The following ERBB4 variants were observed in gnomAD, a reference collection of about 807,000 sequenced individuals.
The protein encoded by ERBB4 is receptor tyrosine-protein kinase erbB-4.
ERBB4 carries 42 observed loss-of-function variants against 158.0 expected under a neutral mutation model. The observed-to-expected ratio is 0.27, with a 90% CI of 0.21 to 0.34. The LOEUF (loss-of-function observed/expected upper bound fraction) is 0.34, where lower values mean the gene tolerates loss of function less well. Ranked by LOEUF, ERBB4 falls within the 10% of genes least tolerant of loss-of-function variation. ERBB4 has a pLI of 1.00. For missense variants in ERBB4, 1,333 were observed against 1,624.1 expected, an observed-to-expected ratio of 0.82 and a Z score of 3.08; for synonymous variants, 583 against 558.7, an observed-to-expected ratio of 1.04 and a Z score of -0.61.
chr2:211,787,020 C>T (rs1167525613), intron 4 of ERBB4, among the ~76,000 whole-genome samples: 1 of 152,176 alleles, frequency 6.6e-6, no homozygotes, highest in African/African-American at 2.4e-5. Flanking sequence ...AAAAACACAG[C>T]TGTCAGTTTT....
chr2:211,680,042 G>C (rs2072271054), intron 12 of ERBB4, among the ~76,000 whole-genome samples: 1 of 152,156 alleles, frequency 6.6e-6, no homozygotes, highest in African/African-American at 2.4e-5. Context: ...TATTAGTCAA[G>C]TCATCACATG....
chr2:212,014,718 T>C (rs866175327), intron 2 of ERBB4, among the ~76,000 whole-genome samples: 2 of 152,178 alleles, frequency 1.3e-5, no homozygotes, highest in South Asian at 2.1e-4. Flanking sequence ...CCTTCAACCA[T>C]TCTTCCTGTT....
At chr2:212,315,496 G>T (rs4641885) in intron 1 of ERBB4, among the ~76,000 whole-genome samples, 1 of 151,106 alleles carries the variant, frequency 6.6e-6, no homozygotes, top group Non-Finnish European at 1.5e-5. Flanking sequence ...CAGGTATATA[G>T]CAACAAATAA....
chr2:211,425,767 A>AACTTCCCCAGG (rs1390072941), intron 22 of ERBB4, among the ~76,000 whole-genome samples: 1 of 152,084 alleles, frequency 6.6e-6, no homozygotes, highest in Non-Finnish European at 1.5e-5. Context: ...CTGCACCCTC[A>AACTTCCCCAGG]ACTTCCCCAG....
rs375192907 is a variant in ERBB4, at chr2:211,455,351, A to T, written c.2488-24251T>A. Among the ~76,000 whole-genome samples, 9 of 152,322 alleles carry T rather than the reference A, an allele frequency of 5.9e-5. No homozygotes were observed. The East Asian group carries it at 1.7e-3, about 29-fold the overall frequency. On this transcript the variant is annotated intron_variant, in intron 20 of 27. Coordinates refer to ENST00000342788, the MANE Select transcript of ERBB4 (RefSeq NM_005235.3). Reference sequence around the variant, plus strand: ...TGGACTTCTTATTTGGATGTCATAAATACTTAAATATTCATTTTCCATGAG... The same window carrying T: ...TGGACTTCTTATTTGGATGTCATAATTACTTAAATATTCATTTTCCATGAG...
chr2:212,252,590 T>C (rs1407550627), intron 1 of ERBB4, among the ~76,000 whole-genome samples: 1 of 152,076 alleles, frequency 6.6e-6, no homozygotes, highest in Non-Finnish European at 1.5e-5. Context: ...GCTAGACTTC[T>C]AAGACTTGTT....
At position 211,695,263 on chromosome 2, in the gene ERBB4, A is replaced by G. The variant is rs1056344963; in HGVS notation, c.1489+6704T>C. ...CATCCAGAGAGTTCAGTTATTAGCA[A>G]TTAACTATAGTTCTGAAATTACCTT... On this transcript the variant is annotated intron_variant, in intron 12 of 27. Transcript: ENST00000342788. Among the ~76,000 whole-genome samples, 20 of 152,318 alleles carry G rather than the reference A, an allele frequency of 1.3e-4. No homozygotes were observed. In the South Asian group the frequency reaches 4.1e-3, roughly 32 times the overall value.
chr2:212,052,552 T>C (rs2077429390), intron 2 of ERBB4, among the ~76,000 whole-genome samples: 1 of 152,216 alleles, frequency 6.6e-6, no homozygotes, highest in African/African-American at 2.4e-5. Flanking sequence ...CAAATTTTAC[T>C]GAATGTCTAA....
At chr2:212,283,605 A>T (rs2085842842) in intron 1 of ERBB4, among the ~76,000 whole-genome samples, 1 of 151,984 alleles carries the variant, frequency 6.6e-6, no homozygotes, top group East Asian at 1.9e-4. Context: ...ATGGAAAATG[A>T]TTCATGCAAT....
chr2:211,828,803 T>C (rs181104627), intron 3 of ERBB4, among the ~76,000 whole-genome samples: 16 of 152,104 alleles, frequency 1.1e-4, no homozygotes, highest in African/African-American at 3.9e-4. Context: ...ACACACTGGC[T>C]CTTCCCAGGT....
At chr2:211,428,600 A>C (rs2063684876) in intron 21 of ERBB4, 117 bp from the exon 22 acceptor site, 1 of 588,848 alleles carries the variant, frequency 1.7e-6, no homozygotes, top group Non-Finnish European at 3.1e-6. Flanking sequence ...TTATGTGTGT[A>C]TAGATATAAC....
intron 1 of ERBB4, among the ~76,000 whole-genome samples, chr2:212,308,047 C>CA (rs1000142532): frequency 6.7e-6 from 1 of 150,300 alleles, no homozygotes; most frequent in African/African-American, 2.4e-5. Flanking sequence ...TAATTCTCTC[C>CA]AAAAAAAATT....
chr2:212,462,249 T>C (rs758915473), intron 1 of ERBB4, among the ~76,000 whole-genome samples: 2 of 152,014 alleles, frequency 1.3e-5, no homozygotes, highest in Non-Finnish European at 2.9e-5. Flanking sequence ...AAAGCAAAAA[T>C]AGACAAATGA....
intron 20 of ERBB4, among the ~76,000 whole-genome samples, chr2:211,463,177 G>C (rs999754850): frequency 1.3e-5 from 2 of 152,154 alleles, no homozygotes; most frequent in Non-Finnish European, 2.9e-5. Context: ...GACTGAAAAA[G>C]AAGTTAGGAA....
chr2:211,458,410 G>A (rs1452814363), intron 20 of ERBB4, among the ~76,000 whole-genome samples: 2 of 152,042 alleles, frequency 1.3e-5, no homozygotes, highest in East Asian at 3.9e-4. Flanking sequence ...GGGATTACAG[G>A]CACGTGCCAT....
chr2:211,536,400 C>G (rs555352898), intron 20 of ERBB4, among the ~76,000 whole-genome samples: 1 of 152,100 alleles, frequency 6.6e-6, no homozygotes, highest in South Asian at 2.1e-4. Context: ...ATGGGTCTTC[C>G]TGACTCAAAC....
At chr2:212,344,851 A>G (rs533021336) in intron 1 of ERBB4, among the ~76,000 whole-genome samples, 1 of 152,300 alleles carries the variant, frequency 6.6e-6, no homozygotes, top group African/African-American at 2.4e-5. Flanking sequence ...CAGTTGTCAA[A>G]TTTCAGTGGG....
chr2:211,764,991 T>C (rs1333250045), intron 4 of ERBB4, among the ~76,000 whole-genome samples: 1 of 152,198 alleles, frequency 6.6e-6, no homozygotes, highest in Non-Finnish European at 1.5e-5. Flanking sequence ...AAATCTTTGA[T>C]GTGTGTGATA....
intron 3 of ERBB4, among the ~76,000 whole-genome samples, chr2:211,819,183 AT>A (rs1442074063): frequency 6.6e-6 from 1 of 152,042 alleles, no homozygotes; most frequent in Non-Finnish European, 1.5e-5. Flanking sequence ...CATGTATTCA[AT>A]TTTCATTCAT....
Sources: gnomAD v4.1 joint callset for allele counts (sites outside exome capture counted in the v4.1 genomes callset) on GRCh38, gnomAD v4.1.1 for gene constraint, MANE v1.5 for transcripts, NCBI Gene and HGNC (gene_info 2026-07-23, HGNC 2026-07-21) for gene names.